CSMD1: variants seen among roughly 807,000 people sequenced by gnomAD.
CSMD1 encodes the protein CUB and sushi domain-containing protein 1.
A neutral mutation model predicts 417.5 loss-of-function variants in CSMD1; 213 were observed. The observed-to-expected ratio is 0.51, with a 90% CI of 0.46 to 0.57. The LOEUF is 0.57. Ranked by LOEUF, CSMD1 falls within the 20% of genes least tolerant of loss-of-function variation. The pLI is 0.00. For missense variants in CSMD1, 6,923 were observed against 4,529.7 expected (o/e 1.53, Z -15.17); for synonymous variants, 2,862 against 1,736.8 (o/e 1.65, Z -16.11).
chr8:3,053,566 G>T (rs1229836611), intron 49 of CSMD1, among the ~76,000 whole-genome samples: 1 of 152,206 alleles, frequency 6.6e-6, no homozygotes, highest in East Asian at 1.9e-4. Flanking sequence ...GCAGCATCTA[G>T]TGGGGATGTG....
At chr8:3,269,843 G>A (rs980449637) in intron 26 of CSMD1, among the ~76,000 whole-genome samples, 4 of 152,144 alleles carry the variant, frequency 2.6e-5, no homozygotes, top group African/African-American at 9.7e-5. Flanking sequence ...AGAGCTGGCA[G>A]GACAGTGGAC....
chr8:4,432,635 C>T (rs1223164387), intron 2 of CSMD1, among the ~76,000 whole-genome samples: 1 of 152,164 alleles, frequency 6.6e-6, no homozygotes, highest in Admixed American at 6.5e-5. Flanking sequence ...TCCTTAATAA[C>T]TGACTTAAGA....
intron 50 of CSMD1, among the ~76,000 whole-genome samples, chr8:3,051,902 G>A (rs1056334918): frequency 2.0e-5 from 3 of 152,068 alleles, no homozygotes. Context: ...ACTCCAATTT[G>A]TTACTCTTTT....
chr8:4,760,670 T>C (rs1376681265), intron 1 of CSMD1, among the ~76,000 whole-genome samples: 2 of 152,236 alleles, frequency 1.3e-5, no homozygotes, highest in Non-Finnish European at 2.9e-5. Context: ...ACATTTTGTC[T>C]ATTTCCTTTG....
chr8:2,941,107 C>T (rs1801842525), intron 69 of CSMD1, among the ~76,000 whole-genome samples: 1 of 152,162 alleles, frequency 6.6e-6, no homozygotes, highest in Admixed American at 6.5e-5. Flanking sequence ...GGTATTTTCT[C>T]TTCCAAAAAA....
intron 1 of CSMD1, among the ~76,000 whole-genome samples, chr8:4,841,930 A>AAAAAAAAAAAAACAAAAC (rs1192383183): frequency 1.5e-4 from 18 of 122,480 alleles, no homozygotes; most frequent in Non-Finnish European, 2.7e-4. Context: ...AAAAAAAAAA[A>AAAAAAAAAAAAACAAAAC]AAAAAAAAGT....
intron 5 of CSMD1, among the ~76,000 whole-genome samples, chr8:3,962,096 C>T (rs1399904110): frequency 6.6e-6 from 1 of 152,186 alleles, no homozygotes; most frequent in Non-Finnish European, 1.5e-5. Context: ...AGCTTGGACT[C>T]AGACCCAGCC....
At chr8:4,067,232 G>C (rs573145244) in intron 3 of CSMD1, among the ~76,000 whole-genome samples, 1 of 152,350 alleles carries the variant, frequency 6.6e-6, no homozygotes, top group Non-Finnish European at 1.5e-5. Flanking sequence ...CATGAAGTCA[G>C]ATGTTCAAGA....
At chr8:2,982,016 C>G (rs1418265806) in intron 54 of CSMD1, among the ~76,000 whole-genome samples, 1 of 152,100 alleles carries the variant, frequency 6.6e-6, no homozygotes, top group Admixed American at 6.5e-5. Context: ...TATATACACT[C>G]CTTACTCAGA....
At chr8:4,947,065 A>G (rs568132039) in intron 1 of CSMD1, among the ~76,000 whole-genome samples, 2 of 152,204 alleles carry the variant, frequency 1.3e-5, no homozygotes, top group Non-Finnish European at 2.9e-5. Flanking sequence ...ATGCTACAGA[A>G]TTTGTAATAG....
intron 3 of CSMD1, among the ~76,000 whole-genome samples, chr8:4,241,108 C>T (rs528008552): frequency 9.9e-5 from 15 of 152,134 alleles, no homozygotes; most frequent in African/African-American, 3.4e-4. Flanking sequence ...ATCCTCTAAA[C>T]CTGTGTTTCA....
intron 2 of CSMD1, among the ~76,000 whole-genome samples, chr8:4,439,489 C>T (rs1044812294): frequency 3.3e-5 from 5 of 151,924 alleles, no homozygotes; most frequent in African/African-American, 9.7e-5. Context: ...TTCCGTTTGA[C>T]GAACAAGCTG....
intron 2 of CSMD1, among the ~76,000 whole-genome samples, chr8:4,470,261 C>CCT (rs1800448697): frequency 6.6e-6 from 1 of 152,138 alleles, no homozygotes; most frequent in Non-Finnish European, 1.5e-5. Flanking sequence ...ATCAGGGGCT[C>CCT]CTCCTCTATC....
At chr8:3,389,178 G>C (rs1324196189) in intron 17 of CSMD1, among the ~76,000 whole-genome samples, 1 of 152,060 alleles carries the variant, frequency 6.6e-6, no homozygotes, top group African/African-American at 2.4e-5. Context: ...GTAAACTTTT[G>C]TCATGGGAGT....
intron 3 of CSMD1, among the ~76,000 whole-genome samples, chr8:4,104,525 C>T (rs1056943734): frequency 6.6e-5 from 10 of 152,300 alleles, no homozygotes; most frequent in Admixed American, 4.6e-4. Context: ...CACCCTCCCA[C>T]ACCCTAAATT....
chr8:4,353,116 T>G (rs1233541433), intron 3 of CSMD1, among the ~76,000 whole-genome samples: 1 of 152,184 alleles, frequency 6.6e-6, no homozygotes, highest in Non-Finnish European at 1.5e-5. Context: ...AACATTCGGT[T>G]TATGTTCTCT....
intron 8 of CSMD1, among the ~76,000 whole-genome samples, chr8:3,592,325 A>G (rs1800887328): frequency 6.6e-6 from 1 of 152,304 alleles, no homozygotes; most frequent in African/African-American, 2.4e-5. Context: ...TAAATATAAA[A>G]GGAATATATA....
chr8:3,345,729 T>C (rs985249318), intron 22 of CSMD1, among the ~76,000 whole-genome samples: 1 of 152,218 alleles, frequency 6.6e-6, no homozygotes, highest in Non-Finnish European at 1.5e-5. Flanking sequence ...TTTAATGCCA[T>C]ATACTCAAGG....
At chr8:4,613,860 C>CAAAAA (rs60679775) in intron 2 of CSMD1, among the ~76,000 whole-genome samples, 149 of 123,636 alleles carry the variant, frequency 1.2e-3, no homozygotes, top group African/African-American at 4.0e-3. Context: ...TGTCTAATGC[C>CAAAAA]AAAAAAAAAA....
Sources: allele counts gnomAD v4.1 joint callset (sites outside exome capture counted in the v4.1 genomes callset), GRCh38; gene constraint gnomAD v4.1.1; transcripts MANE v1.5; gene names NCBI Gene and HGNC (gene_info 2026-07-23, HGNC 2026-07-21).